The following CCDC178 variants were observed in gnomAD, a reference collection of about 807,000 sequenced individuals.
CCDC178 encodes coiled-coil domain containing 178.
Under a neutral mutation model 117.4 loss-of-function variants are expected in CCDC178, and 126 were observed. The ratio of observed to expected loss-of-function variants is 1.07; its 90% CI spans 0.93 to 1.24. The LOEUF is 1.24. Ranked by LOEUF, CCDC178 falls within the 50% of genes most tolerant of loss-of-function variation. The pLI is 0.00. For synonymous variants in CCDC178, 283 were observed against 313.4 expected (o/e 0.90, Z 1.02); for missense variants, 1,030 against 986.9 (o/e 1.04, Z -0.59).
At chr18:33,381,396 T>C (rs1254606534) in intron 5 of CCDC178, among the ~76,000 whole-genome samples, 1 of 152,154 alleles carries the variant, frequency 6.6e-6, no homozygotes, top group African/African-American at 2.4e-5. Flanking sequence ...TATATATATA[T>C]AACCAGAGAC....
At chr18:33,214,565 A>G (rs2059143555) in intron 19 of CCDC178, among the ~76,000 whole-genome samples, 2 of 152,038 alleles carry the variant, frequency 1.3e-5, no homozygotes, top group Non-Finnish European at 2.9e-5. Flanking sequence ...ATATACATTT[A>G]TATTTATATC....
chr18:33,215,014 G>C (rs961476998), intron 19 of CCDC178, among the ~76,000 whole-genome samples: 5 of 151,748 alleles, frequency 3.3e-5, no homozygotes, highest in African/African-American at 1.2e-4. Flanking sequence ...TTTAGGTTAG[G>C]GTCTATGGAT....
chr18:33,282,544 C>G (rs2060037822), intron 12 of CCDC178, among the ~76,000 whole-genome samples: 1 of 152,128 alleles, frequency 6.6e-6, no homozygotes, highest in African/African-American at 2.4e-5. Flanking sequence ...GAGTGGGGCC[C>G]ACACCATAGC....
intron 2 of CCDC178, among the ~76,000 whole-genome samples, chr18:33,427,043 AT>A (rs2064134321): frequency 6.6e-6 from 1 of 152,176 alleles, no homozygotes. Context: ...TTCATATTTT[AT>A]AATAAACTAT....
At chr18:33,062,880 G>A (rs756329793) in intron 21 of CCDC178, among the ~76,000 whole-genome samples, 7 of 137,108 alleles carry the variant, frequency 5.1e-5, no homozygotes, top group Middle Eastern at 3.7e-3. Context: ...GTGTCACAAC[G>A]CCAGGACCTA....
At chr18:33,040,580 TA>T (rs2056529460) in intron 21 of CCDC178, among the ~76,000 whole-genome samples, 1 of 152,024 alleles carries the variant, frequency 6.6e-6, no homozygotes, top group South Asian at 2.1e-4. Flanking sequence ...GTAAAACTGC[TA>T]TCCTTTATAG....
chr18:32,999,266 G>T (rs986843155), intron 21 of CCDC178, among the ~76,000 whole-genome samples: 1 of 152,090 alleles, frequency 6.6e-6, no homozygotes. Context: ...TAAAAGGGGA[G>T]GAAAGAGGGG....
chr18:33,005,273 C>T (rs2055724590), intron 21 of CCDC178, among the ~76,000 whole-genome samples: 1 of 152,028 alleles, frequency 6.6e-6, no homozygotes, highest in African/African-American at 2.4e-5. Context: ...TAATGGAGTA[C>T]TATTTAGCCA....
chr18:32,975,317 A>G (rs1360892530), intron 21 of CCDC178, among the ~76,000 whole-genome samples: 1 of 152,172 alleles, frequency 6.6e-6, no homozygotes, highest in African/African-American at 2.4e-5. Context: ...TCACTGCACT[A>G]AAGCATAGTG....
intron 3 of CCDC178, among the ~76,000 whole-genome samples, chr18:33,408,992 T>C (rs934507511): frequency 3.3e-5 from 5 of 152,352 alleles, no homozygotes; most frequent in African/African-American, 1.2e-4. Flanking sequence ...TTGTTTAAGA[T>C]ATATGGCTGT....
chr18:33,430,299 C>A (rs2064191313), intron 2 of CCDC178, among the ~76,000 whole-genome samples: 1 of 152,142 alleles, frequency 6.6e-6, no homozygotes, highest in African/African-American at 2.4e-5. Context: ...ATGAAATGCA[C>A]AATGAAACAC....
chr18:33,318,467 A>G (rs73955111), intron 11 of CCDC178, among the ~76,000 whole-genome samples: 2 of 152,174 alleles, frequency 1.3e-5, no homozygotes, highest in Non-Finnish European at 2.9e-5. Context: ...TTAAATAGAT[A>G]ATAAGCCAGA....
intron 21 of CCDC178, among the ~76,000 whole-genome samples, chr18:33,041,317 G>C (rs1278799082): frequency 6.6e-6 from 1 of 151,114 alleles, no homozygotes; most frequent in African/African-American, 2.4e-5. Context: ...ATGAAAGAAA[G>C]CATGGAAATA....
At position 33,393,976 on chromosome 18, in the gene CCDC178, A is replaced by T. The variant is rs552418762; in HGVS notation, c.118+3173T>A. On this transcript the variant is annotated intron_variant, in intron 4 of 22. Coordinates refer to ENST00000383096, the MANE Select transcript of CCDC178 (RefSeq NM_001105528.4). ...AACTTTAAACCATACTTCAAATTCAACTTTATATTTCAAGTTGTTAGAAAA... is the reference window on the plus strand; with the variant it reads ...AACTTTAAACCATACTTCAAATTCATCTTTATATTTCAAGTTGTTAGAAAA... Among the ~76,000 whole-genome samples, 3 of 152,166 alleles carry T rather than the reference A, an allele frequency of 2.0e-5. No homozygotes were observed. The East Asian group carries it at 5.8e-4, about 29-fold the overall frequency.
chr18:33,267,045 G>GT lies in CCDC178; in HGVS notation c.1279dup (p.Thr427AsnfsTer5). The GT allele has an allele frequency of 6.3e-7, 1 of 1,581,582 alleles. No individual in the cohort carries two copies. The highest frequency in any genetic ancestry group is 1.2e-5 in the South Asian group (1 of 84,462). ...AACATCAGAAAGCTCAATATCCCAT[G>GT]TTTTTTTCTTTAAGAAAAGAATAAA... On this transcript the variant is annotated frameshift_variant, in exon 14 of 23. Coordinates refer to ENST00000383096, the MANE Select transcript of CCDC178 (RefSeq NM_001105528.4). LOFTEE classifies it high-confidence loss of function.
intron 21 of CCDC178, among the ~76,000 whole-genome samples, chr18:32,982,929 A>G (rs571479185): frequency 4.6e-5 from 7 of 152,228 alleles, no homozygotes; most frequent in Non-Finnish European, 7.4e-5. Flanking sequence ...TAGAATGTAC[A>G]ACACCAAGAG....
intron 12 of CCDC178, among the ~76,000 whole-genome samples, chr18:33,283,827 C>T (rs766984277): frequency 6.6e-5 from 10 of 152,182 alleles, no homozygotes; most frequent in Non-Finnish European, 1.5e-4. Context: ...ATTAGTTCAT[C>T]GTTGTGGATT....
chr18:33,187,228 C>T (rs890057097), intron 20 of CCDC178, among the ~76,000 whole-genome samples: 1 of 152,060 alleles, frequency 6.6e-6, no homozygotes, highest in Admixed American at 6.6e-5. Context: ...CATCTCCCAT[C>T]AGGTCCCTCC....
Position 32,937,905 on chromosome 18 carries a change from G to A in CCDC178, c.*106C>T, listed in dbSNP as rs772423520. 96 of 840,712 alleles carry A rather than the reference G, an allele frequency of 1.1e-4. No homozygotes were observed. In the Middle Eastern group the frequency reaches 1.4e-3, roughly 12 times the overall value. 52.1% of individuals were successfully genotyped at this position (840,712 alleles called of 1,614,324 possible). On this transcript the variant is annotated 3_prime_UTR_variant, in exon 23 of 23. Transcript: ENST00000383096. ...GGAGGTGAGTGAGTTTTTCGTTCATGGAAGTGTGAAATGGCAAACAGGTGA... is the reference window on the plus strand; with the variant it reads ...GGAGGTGAGTGAGTTTTTCGTTCATAGAAGTGTGAAATGGCAAACAGGTGA...
Sources: gnomAD v4.1 joint callset for allele counts (sites outside exome capture counted in the v4.1 genomes callset) on GRCh38, gnomAD v4.1.1 for gene constraint, MANE v1.5 for transcripts, NCBI Gene and HGNC (gene_info 2026-07-23, HGNC 2026-07-21) for gene names.